REEP3: variants seen among roughly 807,000 people sequenced by gnomAD.
REEP3 encodes receptor accessory protein 3.
REEP3 carries 20 observed loss-of-function variants against 41.3 expected under a neutral mutation model. That is an observed-to-expected ratio of 0.48 (90% CI 0.34 to 0.70). The LOEUF (loss-of-function observed/expected upper bound fraction) is 0.70. Among genes scored for constraint, REEP3 ranks in the 30% least tolerant of loss-of-function variants. The probability of loss-of-function intolerance (pLI) is 0.01; values close to 1 mark genes in which losing one functional copy is unlikely to be tolerated. For synonymous variants in REEP3, 104 were observed against 101.8 expected (o/e 1.02, Z -0.13); for missense variants, 271 against 308.8 (o/e 0.88, Z 0.92).
intron 6 of REEP3, among the ~76,000 whole-genome samples, chr10:63,614,084 C>G (rs1956295467): frequency 6.6e-6 from 1 of 152,160 alleles, no homozygotes; most frequent in Non-Finnish European, 1.5e-5. Context: ...TCAGATTCAA[C>G]AATCCAGTAA....
At chr10:63,574,902 G>T (rs1955885208) in intron 2 of REEP3, among the ~76,000 whole-genome samples, 1 of 130,596 alleles carries the variant, frequency 7.7e-6, no homozygotes, top group African/African-American at 2.9e-5. Flanking sequence ...CTGTCGCCCA[G>T]GCTGGAGTGC....
intron 1 of REEP3, among the ~76,000 whole-genome samples, chr10:63,530,407 A>G (rs1186465786): frequency 1.3e-5 from 2 of 152,222 alleles, no homozygotes; most frequent in East Asian, 3.8e-4. Flanking sequence ...TAAGAATAAG[A>G]TACATTGCTA....
At chr10:63,612,624 C>T (rs939405716) in intron 6 of REEP3, among the ~76,000 whole-genome samples, 5 of 151,498 alleles carry the variant, frequency 3.3e-5, no homozygotes, top group South Asian at 4.2e-4. Flanking sequence ...AACCCTGTCT[C>T]CACCAAAAAT....
At chr10:63,608,977 G>T (rs1956254437) in intron 5 of REEP3, among the ~76,000 whole-genome samples, 2 of 152,126 alleles carry the variant, frequency 1.3e-5, no homozygotes, top group Admixed American at 6.6e-5. Context: ...TTAAGGGAAA[G>T]GACTTAAAGT....
chr10:63,563,031 G>C (rs1204411206), intron 1 of REEP3: 1 of 456,270 alleles, frequency 2.2e-6, no homozygotes, highest in Admixed American at 2.4e-5. Context: ...CACAAACTGA[G>C]GGGCCATTAT....
chr10:63,615,669 C>T (rs1019249499), intron 6 of REEP3, among the ~76,000 whole-genome samples: 3 of 152,112 alleles, frequency 2.0e-5, no homozygotes, highest in South Asian at 2.1e-4. Flanking sequence ...CTCAGCCTCC[C>T]GAGTAGCTGG....
Position 63,580,125 on chromosome 10 carries a change from T to C in REEP3, c.105+13715T>C, listed in dbSNP as rs559834304. 2.6e-5 allele frequency among the ~76,000 whole-genome samples: 4 copies of C among 151,816 alleles called. No homozygotes were observed. The East Asian group carries it at 7.8e-4, about 30-fold the overall frequency. ...CTTGACTATAATAGCTGGTTTTCGT[T>C]GTTGTTGTTGTTGTTGTTGTTTTGA... On this transcript the variant is annotated intron_variant, in intron 2 of 7. Coordinates refer to ENST00000373758, the MANE Select transcript of REEP3 (RefSeq NM_001001330.3).
intron 2 of REEP3, among the ~76,000 whole-genome samples, chr10:63,594,143 C>G (rs1243825366): frequency 6.6e-6 from 1 of 150,624 alleles, no homozygotes; most frequent in South Asian, 2.1e-4. Flanking sequence ...GTTGGGAGGC[C>G]GAGACGGACA....
intron 1 of REEP3, chr10:63,562,593 G>T (rs951988561): frequency 2.2e-6 from 1 of 456,244 alleles, no homozygotes; most frequent in African/African-American, 2.0e-5. Context: ...GCTTCTAGTT[G>T]GTAAGTATAA....
chr10:63,524,031 A>G (rs1012690963), intron 1 of REEP3, among the ~76,000 whole-genome samples: 1 of 152,190 alleles, frequency 6.6e-6, no homozygotes, highest in Non-Finnish European at 1.5e-5. Context: ...GGGAGCAATA[A>G]TGTGAGGAAG....
intron 1 of REEP3, chr10:63,562,621 G>T (rs4746201): frequency 0.14 from 65,171 of 456,324 alleles, 5,577 homozygotes; most frequent in East Asian, 0.29. Flanking sequence ...AGCAAGAGAA[G>T]CGTATTCTTC....
At chr10:63,573,067 C>T (rs1337501861) in intron 2 of REEP3, among the ~76,000 whole-genome samples, 1 of 152,198 alleles carries the variant, frequency 6.6e-6, no homozygotes, top group East Asian at 1.9e-4. Context: ...AGAAAGCAAA[C>T]ATTTTCGGTT....
At chr10:63,538,721 G>A (rs968189068) in intron 1 of REEP3, among the ~76,000 whole-genome samples, 2 of 152,066 alleles carry the variant, frequency 1.3e-5, no homozygotes, top group Non-Finnish European at 2.9e-5. Flanking sequence ...GCGACAGAGC[G>A]AGACTCCATC....
In REEP3 at chr10:63,521,430, A is replaced by G; in HGVS notation, c.-116A>G. On this transcript the variant is annotated 5_prime_UTR_variant, in exon 1 of 8. Transcript: ENST00000373758. ...ACCGGGCCCGGCTCCTGAGGGCGCC[A>G]GCGCGGCCCCGGGGAGCGCGAGGAG... is the stretch of plus-strand genomic sequence containing the variant. 2.3e-6 allele frequency: 1 copy of G among 438,892 alleles called. No individual in the cohort carries two copies. Among genetic ancestry groups the G allele is most frequent in the South Asian group, 9.5e-5 (1 of 10,530 alleles). The allele number at this position is 438,892 out of a possible 1,614,324, so 27.2% of individuals were successfully genotyped here.
At chr10:63,602,555 G>A (rs1799733128) in intron 5 of REEP3, among the ~76,000 whole-genome samples, 1 of 152,130 alleles carries the variant, frequency 6.6e-6, no homozygotes, top group South Asian at 2.1e-4. Flanking sequence ...ACACATTTTA[G>A]AATATTGTCT....
intron 1 of REEP3, among the ~76,000 whole-genome samples, chr10:63,523,469 C>CA (rs1167226966): frequency 4.6e-5 from 7 of 151,774 alleles, no homozygotes; most frequent in Admixed American, 4.6e-4. Flanking sequence ...CTTGTCTCCA[C>CA]AAAAAAAGAA....
intron 2 of REEP3, 86 bp from the exon 3 acceptor site, chr10:63,594,692 T>C (rs929623086): frequency 1.2e-6 from 1 of 848,540 alleles, no homozygotes; most frequent in South Asian, 1.4e-5. Context: ...TATTATGAAA[T>C]CCAGAAATAC....
chr10:63,553,474 T>C (rs1284918420), intron 1 of REEP3, among the ~76,000 whole-genome samples: 1 of 152,184 alleles, frequency 6.6e-6, no homozygotes, highest in Non-Finnish European at 1.5e-5. Flanking sequence ...AAAGATTGTT[T>C]GAAAGCAAAA....
intron 1 of REEP3, among the ~76,000 whole-genome samples, chr10:63,558,128 T>G (rs1589866248): frequency 6.6e-6 from 1 of 152,108 alleles, no homozygotes; most frequent in African/African-American, 2.4e-5. Flanking sequence ...AGTATGACTT[T>G]CCCCCCAAAG....
Sources: allele counts gnomAD v4.1 joint callset (sites outside exome capture counted in the v4.1 genomes callset), GRCh38; gene constraint gnomAD v4.1.1; transcripts MANE v1.5; gene names NCBI Gene and HGNC (gene_info 2026-07-23, HGNC 2026-07-21).